Variants in RBFOX1 observed in about 807,000 individuals in gnomAD.
RBFOX1 encodes RNA binding fox-1 homolog 1.
In RBFOX1, 8 loss-of-function variants were observed where a neutral mutation model predicts 57.7. That is an observed-to-expected ratio of 0.14 (90% CI 0.08 to 0.25). RBFOX1 has a LOEUF of 0.25. Ranked by LOEUF, RBFOX1 falls within the 10% of genes least tolerant of loss-of-function variation. RBFOX1 has a pLI of 1.00. For synonymous variants in RBFOX1, 326 were observed against 222.4 expected (o/e 1.47, Z -4.15); for missense variants, 611 against 548.5 (o/e 1.11, Z -1.14).
intron 3 of RBFOX1, among the ~76,000 whole-genome samples, chr16:6,979,548 A>C (rs1379064470): frequency 6.6e-6 from 1 of 152,204 alleles, no homozygotes. Flanking sequence ...GGATACAGCA[A>C]TGCTTTTGCA....
intron 3 of RBFOX1, among the ~76,000 whole-genome samples, chr16:5,735,927 T>C (rs1232997349): frequency 1.3e-5 from 2 of 152,080 alleles, no homozygotes; most frequent in Non-Finnish European, 2.9e-5. Context: ...ATATGTTCAT[T>C]TGACACATGT....
At chr16:7,061,408 C>T (rs1197672013) in intron 4 of RBFOX1, among the ~76,000 whole-genome samples, 1 of 152,136 alleles carries the variant, frequency 6.6e-6, no homozygotes, top group Non-Finnish European at 1.5e-5. Flanking sequence ...CAACTAGTCA[C>T]AGATTTTAAT....
At chr16:5,796,806 A>G (rs982659892) in intron 3 of RBFOX1, among the ~76,000 whole-genome samples, 1 of 152,188 alleles carries the variant, frequency 6.6e-6, no homozygotes, top group African/African-American at 2.4e-5. Flanking sequence ...GGTGTTCTCT[A>G]ACTCTGATAT....
rs140578627 is a variant in RBFOX1, at chr16:7,417,038, G to A, written c.28-101109G>A. Among the ~76,000 whole-genome samples the A allele has an allele frequency of 3.6e-3, 546 of 152,090 alleles. 1 individual carries two copies. The highest frequency in any genetic ancestry group is 0.012 in the African/African-American group (493 of 41,466). On this transcript the variant is annotated intron_variant, in intron 4 of 15. Transcript: ENST00000550418. ...CACTTTGCCTAAATTTTTTTTAAAT[G>A]ATTGAGTTCATTGTTCATTTATATT... is the stretch of plus-strand genomic sequence containing the variant.
chr16:7,351,004 A>C lies in RBFOX1; in HGVS notation c.28-167143A>C, dbSNP rs1174704679. ...TCTGGCTCTATCAAAGCTGTAAGCAACATATGGTGTGCCATGTGCCCATGG... is the reference window on the plus strand; with the variant it reads ...TCTGGCTCTATCAAAGCTGTAAGCACCATATGGTGTGCCATGTGCCCATGG... On this transcript the variant is annotated intron_variant, in intron 4 of 15. Coordinates refer to ENST00000550418, the MANE Select transcript of RBFOX1 (RefSeq NM_018723.4). Among the ~76,000 whole-genome samples the C allele has an allele frequency of 2.0e-5, 3 of 152,366 alleles. No individual in the cohort carries two copies. The East Asian group carries it at 5.8e-4, about 29-fold the overall frequency.
intron 3 of RBFOX1, among the ~76,000 whole-genome samples, chr16:5,769,503 A>G (rs1567517315): frequency 1.4e-5 from 2 of 148,026 alleles, no homozygotes; most frequent in Non-Finnish European, 1.5e-5. Flanking sequence ...AAAAAAAAAA[A>G]TTAGCTAGGT....
At chr16:6,117,312 T>G (rs2096507368) in intron 1 of RBFOX1, among the ~76,000 whole-genome samples, 1 of 152,226 alleles carries the variant, frequency 6.6e-6, no homozygotes, top group Admixed American at 6.5e-5. Context: ...ACAATTACCT[T>G]TAAAACTCAG....
At chr16:5,831,821 T>C (rs947073383) in intron 3 of RBFOX1, among the ~76,000 whole-genome samples, 1 of 152,138 alleles carries the variant, frequency 6.6e-6, no homozygotes, top group Non-Finnish European at 1.5e-5. Context: ...CACTATATAG[T>C]GGTGAAATAA....
intron 1 of RBFOX1, among the ~76,000 whole-genome samples, chr16:5,358,815 A>G (rs2065463272): frequency 6.6e-6 from 1 of 152,206 alleles, no homozygotes. Flanking sequence ...TGACAAGAGC[A>G]AAACTCCATC....
rs182171553 is a variant in RBFOX1 at position 6,666,915 on chromosome 16, G to A, written c.-16+12265G>A. On this transcript the variant is annotated intron_variant, in intron 3 of 15. Coordinates refer to ENST00000550418, the MANE Select transcript of RBFOX1 (RefSeq NM_018723.4). Reference sequence around the variant, plus strand: ...TCCACAGAACCATCAAAATGCTCACGGTTCCAAGCAGTGCCTCACTTGCCA... The same window carrying A: ...TCCACAGAACCATCAAAATGCTCACAGTTCCAAGCAGTGCCTCACTTGCCA... Among the ~76,000 whole-genome samples the A allele has an allele frequency of 2.9e-3, 448 of 152,208 alleles. 1 individual carries two copies. Among genetic ancestry groups the A allele is most frequent in the Non-Finnish European group, 4.7e-3 (317 of 68,010 alleles).
At chr16:7,305,215 G>A (rs1402391138) in intron 4 of RBFOX1, among the ~76,000 whole-genome samples, 1 of 151,640 alleles carries the variant, frequency 6.6e-6, no homozygotes, top group African/African-American at 2.4e-5. Context: ...TCCATTCATT[G>A]TGCACATTTC....
At chr16:6,721,454 C>T (rs1197301558) in intron 3 of RBFOX1, among the ~76,000 whole-genome samples, 1 of 152,160 alleles carries the variant, frequency 6.6e-6, no homozygotes, top group African/African-American at 2.4e-5. Flanking sequence ...AAAACAACAA[C>T]AACAAAACCG....
At chr16:5,920,729 G>A (rs1485228169) in intron 4 of RBFOX1, among the ~76,000 whole-genome samples, 2 of 152,200 alleles carry the variant, frequency 1.3e-5, no homozygotes, top group African/African-American at 4.8e-5. Flanking sequence ...CCTAGACAAT[G>A]ATGTCGGTGT....
chr16:7,068,747 C>G (rs1428818611), intron 4 of RBFOX1, among the ~76,000 whole-genome samples: 1 of 152,076 alleles, frequency 6.6e-6, no homozygotes, highest in African/African-American at 2.4e-5. Flanking sequence ...GCCACCACAC[C>G]CAGCTAATTT....
intron 3 of RBFOX1, among the ~76,000 whole-genome samples, chr16:6,972,223 C>G (rs9931002): frequency 4.6e-5 from 7 of 152,076 alleles, no homozygotes; most frequent in East Asian, 3.9e-4. Context: ...ATCTGAAACT[C>G]TGTATCTATT....
chr16:6,854,464 T>G (rs759585596), intron 3 of RBFOX1, among the ~76,000 whole-genome samples: 2 of 152,108 alleles, frequency 1.3e-5, no homozygotes, highest in Non-Finnish European at 2.9e-5. Flanking sequence ...TGTTACACCT[T>G]GAGGGCTGCC....
intron 3 of RBFOX1, among the ~76,000 whole-genome samples, chr16:6,767,766 T>C (rs1303148156): frequency 6.6e-6 from 1 of 151,374 alleles, no homozygotes; most frequent in Non-Finnish European, 1.5e-5. Flanking sequence ...ATACAAAAAT[T>C]AGCCAGGCAT....
chr16:6,129,269 A>G (rs561545066), intron 1 of RBFOX1, among the ~76,000 whole-genome samples: 1 of 152,324 alleles, frequency 6.6e-6, no homozygotes, highest in Non-Finnish European at 1.5e-5. Context: ...AGACTTAAAG[A>G]GAAGATTGTG....
intron 3 of RBFOX1, among the ~76,000 whole-genome samples, chr16:5,727,085 C>G (rs9930057): frequency 0.068 from 10,310 of 152,110 alleles, 930 homozygotes; most frequent in African/African-American, 0.2. Context: ...ATGGTAAAAC[C>G]CTGTTTCTGC....
Sources: gnomAD v4.1 joint callset for allele counts (sites outside exome capture counted in the v4.1 genomes callset) on GRCh38, gnomAD v4.1.1 for gene constraint, MANE v1.5 for transcripts, NCBI Gene and HGNC (gene_info 2026-07-23, HGNC 2026-07-21) for gene names.